Variants in N4BP1 observed in about 807,000 individuals in gnomAD.
The protein encoded by N4BP1 is NEDD4 binding protein 1.
In N4BP1, 21 loss-of-function variants were observed where a neutral mutation model predicts 70.9. That is an observed-to-expected ratio of 0.30 (90% CI 0.21 to 0.43). The LOEUF is 0.43. Among genes scored for constraint, N4BP1 ranks in the 20% least tolerant of loss-of-function variants. The pLI is 1.00. For missense variants in N4BP1, 936 were observed against 1,069.4 expected, an observed-to-expected ratio of 0.88 and a Z score of 1.74; for synonymous variants, 387 against 394.6, an observed-to-expected ratio of 0.98 and a Z score of 0.23.
chr16:48,561,708 T>C lies in N4BP1; in HGVS notation c.935A>G (p.Asp312Gly). Reference protein sequence around the residue: ...ENVQEGEILHDAKTLAGNVIA... With the variant: ...ENVQEGEILHGAKTLAGNVIA... ...TACATTTCCAGCCAATGTCTTAGCATCGTGTAAAATCTCCCCCTCCTGAAC... is the reference window on the plus strand; with the variant it reads ...TACATTTCCAGCCAATGTCTTAGCACCGTGTAAAATCTCCCCCTCCTGAAC... Residue 312 changes from aspartate (D) to glycine (G), a missense_variant, in exon 2 of 7, where the codon GAT becomes GGT. Physicochemically the swap from Asp to Gly is moderately conservative, Grantham distance 94 (BLOSUM62 -1). Coordinates refer to ENST00000262384, the MANE Select transcript of N4BP1 (RefSeq NM_153029.4). 6.2e-7 allele frequency: 1 copy of C among 1,612,488 alleles called. No individual in the cohort carries two copies. Among genetic ancestry groups the C allele is most frequent in the Non-Finnish European group, 8.5e-7 (1 of 1,179,878 alleles).
rs1375614434 is a variant in N4BP1, at chr16:48,542,462, G to C, written c.*442C>G. 1 of 153,178 alleles carries C rather than the reference G, an allele frequency of 6.5e-6. No homozygotes were observed. The highest frequency in any genetic ancestry group is 1.5e-5 in the Non-Finnish European group (1 of 68,458). The allele number at this position is 153,178 out of a possible 1,614,324, so 9.5% of individuals were successfully genotyped here. A position where few individuals can be genotyped will look rare whatever the true frequency, so the allele number is the denominator to read the frequency against. The stretch of plus-strand genomic sequence containing the variant: ...GGAAGGGTGAGCACACTTCATGGTA[G>C]TGATGGGACATACTCATCTCAAGAA... On this transcript the variant is annotated 3_prime_UTR_variant, in exon 7 of 7. Transcript: ENST00000262384.
chr16:48,560,853 C>T lies in N4BP1; in HGVS notation c.1790G>A (p.Arg597Gln), dbSNP rs755335517. Residue 597 changes from arginine (R) to glutamine (Q), a missense_variant, in exon 2 of 7, where the codon CGA (arginine) becomes CAA (glutamine). Physicochemically the swap from Arg to Gln is conservative, Grantham distance 43 (BLOSUM62 1). Coordinates refer to ENST00000262384, the MANE Select transcript of N4BP1 (RefSeq NM_153029.4). ...CTTGTAGGGTATTTTTAGAGTATCT[C>T]GAAACCTTTGAACCCCAGTAACTGA... The part of the protein sequence containing the change: ...DSSVTGVQRF[R>Q]DTLKIPYKLE... The T allele has an allele frequency of 2.7e-5, 43 of 1,613,774 alleles. No homozygotes were observed. Among genetic ancestry groups the T allele is most frequent in the Admixed American group, 3.3e-5 (2 of 59,982 alleles).
chr16:48,605,571 T>C (rs890933378), intron 1 of N4BP1, among the ~76,000 whole-genome samples: 1 of 152,210 alleles, frequency 6.6e-6, no homozygotes, highest in East Asian at 1.9e-4. Context: ...GGGCCCCCTA[T>C]GGACAATGCC....
chr16:48,603,610 C>T (rs1166526680), intron 1 of N4BP1: 1 of 152,234 alleles, frequency 6.6e-6, no homozygotes, highest in Non-Finnish European at 1.5e-5. Flanking sequence ...ACATTGCCAT[C>T]TCCTCTACTT....
intron 1 of N4BP1, chr16:48,577,530 T>C (rs1036182202): frequency 4.4e-5 from 8 of 182,404 alleles, no homozygotes; most frequent in Non-Finnish European, 8.4e-5. Context: ...ACCCCTATGT[T>C]GCAGCCACAG....
rs1425901303 is a variant in N4BP1, at chr16:48,610,091, C to A, written c.-119G>T. ...CGGCCCTTCCCGGCCGCCTCGCCCCCGCCCGCGCCCCGCCGCCCGCCCTCA... is the reference window on the plus strand; with the variant it reads ...CGGCCCTTCCCGGCCGCCTCGCCCCAGCCCGCGCCCCGCCGCCCGCCCTCA... On this transcript the variant is annotated 5_prime_UTR_variant, in exon 1 of 7. Transcript: ENST00000262384. 3.2e-5 allele frequency: 14 copies of A among 439,672 alleles called. No individual in the cohort carries two copies. Among genetic ancestry groups the A allele is most frequent in the Non-Finnish European group, 4.3e-5 (14 of 329,180 alleles). The allele number at this position is 439,672 out of a possible 1,614,324, so 27.2% of individuals were successfully genotyped here.
intron 1 of N4BP1, among the ~76,000 whole-genome samples, chr16:48,568,243 C>T (rs1963969694): frequency 6.6e-6 from 1 of 152,150 alleles, no homozygotes; most frequent in Non-Finnish European, 1.5e-5. Flanking sequence ...TTGTCACCTC[C>T]ATAAATTCAA....
rs143525293 is a variant in N4BP1, at chr16:48,547,018, TCAA to T, written c.2226-767_2226-765del. ...CAAAGACCAATTCTTGGTTCAGCTA[TCAA>T]CAACAGCTTTTTAACAGCATAGGTG... On this transcript the variant is annotated intron_variant, in intron 5 of 6. Coordinates refer to ENST00000262384, the MANE Select transcript of N4BP1 (RefSeq NM_153029.4). Among the ~76,000 whole-genome samples, 932 of 152,360 alleles carry T rather than the reference TCAA, an allele frequency of 6.1e-3. 11 individuals carry two copies. Among genetic ancestry groups the T allele is most frequent in the African/African-American group, 0.021 (888 of 41,594 alleles).
rs748749981 is a variant in N4BP1, at chr16:48,543,129, G to A, written c.2466C>T (p.His822=). ...PTRIQGAPSS[H]WLPQQPHFPL... ...GGAAGTGGGGCTGCTGAGGGAGCCA[G>A]TGGCTTGAAGGGGCTCCCTGAATCC... The change falls in exon 7 of 7, where the codon CAC becomes CAT. Residue 822 remains histidine (H), a synonymous_variant. Coordinates refer to ENST00000262384, the MANE Select transcript of N4BP1 (RefSeq NM_153029.4). The A allele has an allele frequency of 5.6e-6, 9 of 1,609,232 alleles. No individual in the cohort carries two copies. The African/African-American group carries it at 1.1e-4, about 19-fold the overall frequency.
chr16:48,586,590 T>C (rs1188432028), intron 1 of N4BP1, among the ~76,000 whole-genome samples: 1 of 152,252 alleles, frequency 6.6e-6, no homozygotes, highest in African/African-American at 2.4e-5. Flanking sequence ...TTGAGATTAA[T>C]CCACATCGTT....
intron 2 of N4BP1, among the ~76,000 whole-genome samples, chr16:48,558,530 C>T (rs1351631530): frequency 6.6e-6 from 1 of 152,120 alleles, no homozygotes; most frequent in Non-Finnish European, 1.5e-5. Context: ...AACAGTGACC[C>T]TGCTGAGAAA....
intron 1 of N4BP1, among the ~76,000 whole-genome samples, chr16:48,590,090 G>A (rs1964311659): frequency 6.6e-6 from 1 of 152,106 alleles, no homozygotes; most frequent in Non-Finnish European, 1.5e-5. Context: ...TGCTCCTGGG[G>A]ATAACATCAC....
intron 4 of N4BP1, 71 bp from the exon 5 acceptor site, chr16:48,548,185 G>A (rs1963615888): frequency 1.1e-6 from 1 of 883,770 alleles, no homozygotes; most frequent in Admixed American, 2.0e-5. Flanking sequence ...GTTATAAGAA[G>A]AGAATATTTC....
At chr16:48,564,297 G>A (rs1459902918) in intron 1 of N4BP1, among the ~76,000 whole-genome samples, 2 of 152,046 alleles carry the variant, frequency 1.3e-5, no homozygotes, top group Non-Finnish European at 2.9e-5. Context: ...CAATGTTATC[G>A]TCTAAGTTTT....
At chr16:48,597,993 A>G (rs1453427117) in intron 1 of N4BP1, among the ~76,000 whole-genome samples, 1 of 152,236 alleles carries the variant, frequency 6.6e-6, no homozygotes, top group Non-Finnish European at 1.5e-5. Context: ...CTGAGCAAAC[A>G]GCCAGGCTGG....
chr16:48,600,267 T>C, intron 1 of N4BP1: 1 of 1,094,892 alleles, frequency 9.1e-7, no homozygotes, highest in Non-Finnish European at 1.4e-6. Flanking sequence ...TAAATCTAAA[T>C]GTCATAAAAA....
At chr16:48,547,521 A>G (rs1963606540) in intron 5 of N4BP1, among the ~76,000 whole-genome samples, 1 of 152,258 alleles carries the variant, frequency 6.6e-6, no homozygotes, top group African/African-American at 2.4e-5. Context: ...CTATGACTGT[A>G]AAAACCTCCA....
rs144347912 is a variant in N4BP1, at chr16:48,571,551, C to T, written c.199-9107G>A. 9.4e-4 allele frequency among the ~76,000 whole-genome samples: 143 copies of T among 152,010 alleles called. 4 individuals are homozygous for T. In the East Asian group the frequency reaches 0.017, roughly 18 times the overall value. Reference sequence around the variant, plus strand: ...TGCAGGTCACAAAAGAAAACCTTCACAAAATTTTAGTAAGTGGTTTCAAAC... The same window carrying T: ...TGCAGGTCACAAAAGAAAACCTTCATAAAATTTTAGTAAGTGGTTTCAAAC... On this transcript the variant is annotated intron_variant, in intron 1 of 6. Transcript: ENST00000262384.
chr16:48,601,535 G>T (rs573618531), intron 1 of N4BP1, among the ~76,000 whole-genome samples: 1 of 152,206 alleles, frequency 6.6e-6, no homozygotes, highest in South Asian at 2.1e-4. Context: ...AGACTGGTAG[G>T]TAGGTAATTT....
Sources: allele counts gnomAD v4.1 joint callset (sites outside exome capture counted in the v4.1 genomes callset), GRCh38; gene constraint gnomAD v4.1.1; transcripts MANE v1.5; gene names NCBI Gene and HGNC (gene_info 2026-07-23, HGNC 2026-07-21).